Variants in CCDC158 observed in about 807,000 individuals in gnomAD.
The protein encoded by CCDC158 is coiled-coil domain-containing protein 158.
In CCDC158, 116 loss-of-function variants were observed where a neutral mutation model predicts 138.6. That is an observed-to-expected ratio of 0.84 (90% CI 0.72 to 0.98). The LOEUF is 0.98. CCDC158 is among the 50% of genes least tolerant of loss of function. CCDC158 has a pLI of 0.00. For synonymous variants in CCDC158, 436 were observed against 442.4 expected (o/e 0.99, Z 0.18); for missense variants, 1,265 against 1,306.1 (o/e 0.97, Z 0.48).
intron 18 of CCDC158, chr4:76,344,652 A>G: frequency 3.1e-6 from 5 of 1,605,982 alleles, no homozygotes; most frequent in Non-Finnish European, 4.3e-6. Context: ...AGTGCACACA[A>G]AGACCACACT....
At chr4:76,321,672 T>A (rs1912833) in intron 24 of CCDC158, among the ~76,000 whole-genome samples, 47,151 of 144,928 alleles carry the variant, frequency 0.33, 8,997 homozygotes, top group Non-Finnish European at 0.44. Flanking sequence ...ATGTATATTT[T>A]TATATATATA....
At chr4:76,390,249 A>G (rs1727194046) in intron 4 of CCDC158, among the ~76,000 whole-genome samples, 1 of 152,134 alleles carries the variant, frequency 6.6e-6, no homozygotes, top group African/African-American at 2.4e-5. Context: ...TGGTTTTCGT[A>G]CATTTGTTTG....
chr4:76,382,594 G>A lies in CCDC158; in HGVS notation c.914+16C>T, dbSNP rs534755235. On this transcript the variant is annotated intron_variant, in intron 8 of 24. Transcript: ENST00000682701. ...TTAAAATGAAGATGAATGACTAACA[G>A]TTTCAAACCACATACTGAATGATTT... The A allele has an allele frequency of 1.4e-6, 2 of 1,476,716 alleles. No homozygotes were observed. The highest frequency in any genetic ancestry group is 2.3e-5 in the South Asian group (2 of 86,988). 91.5% of individuals were successfully genotyped at this position (1,476,716 alleles called of 1,614,324 possible).
chr4:76,348,109 G>A (rs10002448), intron 18 of CCDC158, among the ~76,000 whole-genome samples: 87,570 of 151,558 alleles, frequency 0.58, 26,307 homozygotes, highest in East Asian at 0.78. Flanking sequence ...GGGCAAACAA[G>A]CTCTCTCAAG....
intron 12 of CCDC158, among the ~76,000 whole-genome samples, 153 bp from the exon 13 acceptor site, chr4:76,362,468 T>C (rs1230445552): frequency 1.3e-5 from 2 of 152,226 alleles, no homozygotes; most frequent in Non-Finnish European, 2.9e-5. Flanking sequence ...TCTATATTTA[T>C]TATCTTTTCA....
intron 4 of CCDC158, among the ~76,000 whole-genome samples, chr4:76,393,855 A>G (rs1191977870): frequency 6.6e-6 from 1 of 152,174 alleles, no homozygotes; most frequent in Non-Finnish European, 1.5e-5. Flanking sequence ...AGAAATACAA[A>G]TGGCATATAG....
chr4:76,406,048 A>G (rs1414674365), intron 2 of CCDC158, among the ~76,000 whole-genome samples: 1 of 152,200 alleles, frequency 6.6e-6, no homozygotes, highest in African/African-American at 2.4e-5. Context: ...GAAGAAAAGG[A>G]TTTTCAAATT....
At chr4:76,380,164 A>G (rs1469444034) in intron 8 of CCDC158, among the ~76,000 whole-genome samples, 1 of 152,190 alleles carries the variant, frequency 6.6e-6, no homozygotes, top group Non-Finnish European at 1.5e-5. Context: ...GCACTGCTAT[A>G]AAGATATCTG....
intron 11 of CCDC158, among the ~76,000 whole-genome samples, chr4:76,368,293 C>T (rs1419451394): frequency 1.3e-5 from 2 of 151,978 alleles, no homozygotes; most frequent in African/African-American, 4.8e-5. Flanking sequence ...TAATTTCCCT[C>T]CAACTTTACC....
chr4:76,413,133 C>T (rs1445474208), intron 1 of CCDC158, among the ~76,000 whole-genome samples: 1 of 148,366 alleles, frequency 6.7e-6, no homozygotes, highest in South Asian at 2.1e-4. Flanking sequence ...GCAGGTATAC[C>T]GAAATGATAA....
At chr4:76,357,624 A>G (rs1244181590) in intron 13 of CCDC158, 98 bp from the exon 14 acceptor site, 8 of 788,578 alleles carry the variant, frequency 1.0e-5, no homozygotes, top group Non-Finnish European at 1.5e-5. Flanking sequence ...AGAATTTTAG[A>G]ACTGGAAGAG....
chr4:76,319,010 C>T (rs570457830), intron 24 of CCDC158, among the ~76,000 whole-genome samples: 11 of 152,212 alleles, frequency 7.2e-5, no homozygotes, highest in East Asian at 3.9e-4. Flanking sequence ...CGGTGGCTTA[C>T]GCCTGTAATC....
intron 24 of CCDC158, among the ~76,000 whole-genome samples, chr4:76,317,211 C>A (rs937112827): frequency 6.6e-6 from 1 of 152,052 alleles, no homozygotes; most frequent in Non-Finnish European, 1.5e-5. Flanking sequence ...AATCTACCAA[C>A]CAAGTATCTG....
At chr4:76,396,547 T>TA (rs1320494463) in intron 3 of CCDC158, 61 bp from the exon 4 acceptor site, 13 of 1,292,898 alleles carry the variant, frequency 1.0e-5, no homozygotes, top group African/African-American at 1.5e-5. Flanking sequence ...GTTTCACTGT[T>TA]ATTGCCCAGG....
Position 76,357,774 on chromosome 4 carries a change from A to G in CCDC158, c.2021-248T>C, listed in dbSNP as rs148882119. ...ACTTATTACTCATTGTTTTTTCCCAAACATTATAATTAGTTTGCAGTTATC... is the reference window on the plus strand; with the variant it reads ...ACTTATTACTCATTGTTTTTTCCCAGACATTATAATTAGTTTGCAGTTATC... On this transcript the variant is annotated intron_variant, in intron 13 of 24. Transcript: ENST00000682701. Among the ~76,000 whole-genome samples the G allele has an allele frequency of 5.5e-3, 839 of 152,130 alleles. 12 individuals carry two copies. Among genetic ancestry groups the G allele is most frequent in the African/African-American group, 0.019 (790 of 41,490 alleles).
chr4:76,343,254 C>T (rs1722228856), intron 18 of CCDC158, among the ~76,000 whole-genome samples: 1 of 152,042 alleles, frequency 6.6e-6, no homozygotes. Context: ...CTGATCAGCC[C>T]AAGAATAAAG....
intron 1 of CCDC158, among the ~76,000 whole-genome samples, chr4:76,415,780 C>T (rs552474563): frequency 6.6e-6 from 1 of 152,286 alleles, no homozygotes; most frequent in South Asian, 2.1e-4. Context: ...CTTGGTCTAA[C>T]GGTAATGCCA....
intron 7 of CCDC158, 30 bp from the exon 8 acceptor site, chr4:76,382,750 G>A: frequency 7.6e-7 from 1 of 1,322,170 alleles, no homozygotes; most frequent in Non-Finnish European, 1.1e-6. Context: ...ATTGTCATTT[G>A]ATACAGAAGA....
At chr4:76,407,030 C>T (rs765148671) in intron 2 of CCDC158, among the ~76,000 whole-genome samples, 2 of 152,030 alleles carry the variant, frequency 1.3e-5, no homozygotes, top group African/African-American at 2.4e-5. Context: ...TCAAAATCTT[C>T]ATTCTCTAAA....
Sources: allele counts gnomAD v4.1 joint callset (sites outside exome capture counted in the v4.1 genomes callset), GRCh38; gene constraint gnomAD v4.1.1; transcripts MANE v1.5; gene names NCBI Gene and HGNC (gene_info 2026-07-23, HGNC 2026-07-21).